Variants in AMOTL1 observed in about 807,000 individuals in gnomAD.
AMOTL1 encodes the protein angiomotin-like protein 1.
In AMOTL1, 45 loss-of-function variants were observed where a neutral mutation model predicts 102.9. The observed-to-expected ratio is 0.44, with a 90% CI of 0.34 to 0.56. The LOEUF (loss-of-function observed/expected upper bound fraction) is 0.56. Ranked by LOEUF, AMOTL1 falls within the 20% of genes least tolerant of loss-of-function variation. The pLI is 0.01. For synonymous variants in AMOTL1, 481 were observed against 484.7 expected (o/e 0.99, Z 0.10); for missense variants, 1,114 against 1,225.6 (o/e 0.91, Z 1.36).
At position 94,712,539 on chromosome 11, in the gene AMOTL1, T is replaced by G. The variant is rs145183599; in HGVS notation, c.-51+5942T>G. On this transcript the variant is annotated intron_variant, in intron 1 of 4. Coordinates refer to the AMOTL1 transcript ENST00000299004. ...GCAACAAAAGAAACTAGCAACATAGTAGACAGACAACCTATAGAATGGGAG... is the reference window on the plus strand; with the variant it reads ...GCAACAAAAGAAACTAGCAACATAGGAGACAGACAACCTATAGAATGGGAG... Among the ~76,000 whole-genome samples, 1,111 of 152,146 alleles carry G rather than the reference T, an allele frequency of 7.3e-3. 13 individuals are homozygous for G. Among genetic ancestry groups the G allele is most frequent in the African/African-American group, 0.025 (1,057 of 41,548 alleles).
chr11:94,864,881 A>G, intron 10 of AMOTL1, 21 bp downstream of exon 10: 1 of 1,608,650 alleles, frequency 6.2e-7, no homozygotes, highest in Non-Finnish European at 8.5e-7. Context: ...ACTATGTGTG[A>G]CGTGTGGGGC....
chr11:94,706,555 A>G (rs1201046928), exon 1 of AMOTL1: 1 of 152,184 alleles, frequency 6.6e-6, no homozygotes, highest in East Asian at 1.9e-4. Flanking sequence ...TTCTGTTAGA[A>G]CTTAGTATTT....
At chr11:94,742,076 G>A (rs1306019331) in intron 3 of AMOTL1, among the ~76,000 whole-genome samples, 1 of 152,204 alleles carries the variant, frequency 6.6e-6, no homozygotes, top group Non-Finnish European at 1.5e-5. Flanking sequence ...TCTGGATCAA[G>A]GTTGGCATTC....
At chr11:94,794,009 ATAAT>A (rs972997219) in intron 1 of AMOTL1, among the ~76,000 whole-genome samples, 55 of 152,358 alleles carry the variant, frequency 3.6e-4, no homozygotes, top group African/African-American at 1.3e-3. Flanking sequence ...TTTGGTATCA[ATAAT>A]TAGTCACTTA....
intron 11 of AMOTL1, among the ~76,000 whole-genome samples, chr11:94,867,847 A>T (rs887865399): frequency 2.6e-5 from 4 of 152,172 alleles, no homozygotes; most frequent in African/African-American, 7.2e-5. Context: ...TGGAAAGAAC[A>T]TAGGTTGGAC....
At position 94,830,271 on chromosome 11, in the gene AMOTL1, G is replaced by C. The variant is rs79491184; in HGVS notation, c.1558+77G>C. 1,016 of 1,400,660 alleles carry C rather than the reference G, an allele frequency of 7.3e-4. 7 individuals are homozygous for C. In the African/African-American group the frequency reaches 0.013, roughly 18 times the overall value. 86.8% of individuals were successfully genotyped at this position (1,400,660 alleles called of 1,614,324 possible). A position where few individuals can be genotyped will look rare whatever the true frequency, so the allele number is the denominator to read the frequency against. On this transcript the variant is annotated intron_variant, in intron 5 of 12. Coordinates refer to ENST00000433060, the MANE Select transcript of AMOTL1 (RefSeq NM_130847.3). ...AGCTAAAAGCACGACTTCAAGGCCA[G>C]AGTGCTTTGCCACAGGTACTGGTCT...
At chr11:94,789,197 C>A (rs1159973978) in intron 1 of AMOTL1, among the ~76,000 whole-genome samples, 1 of 152,184 alleles carries the variant, frequency 6.6e-6, no homozygotes, top group Non-Finnish European at 1.5e-5. Context: ...CTAGCTCTGT[C>A]ACCCAGGCTG....
intron 2 of AMOTL1, among the ~76,000 whole-genome samples, chr11:94,736,854 C>T (rs1950445552): frequency 6.6e-6 from 1 of 152,162 alleles, no homozygotes; most frequent in African/African-American, 2.4e-5. Flanking sequence ...CATGGAATCC[C>T]TTATTAGAAG....
intron 3 of AMOTL1, among the ~76,000 whole-genome samples, chr11:94,751,754 T>C (rs1378352114): frequency 2.0e-5 from 3 of 147,406 alleles, no homozygotes; most frequent in Non-Finnish European, 3.0e-5. Flanking sequence ...ATAAAACATA[T>C]ATATGCTCAC....
chr11:94,729,346 T>C (rs1285410487), intron 2 of AMOTL1, among the ~76,000 whole-genome samples: 5 of 152,184 alleles, frequency 3.3e-5, no homozygotes, highest in Admixed American at 1.3e-4. Flanking sequence ...TGTCATGTAA[T>C]GAGCTCTTGC....
intron 6 of AMOTL1, among the ~76,000 whole-genome samples, chr11:94,842,262 G>A (rs1446169478): frequency 6.6e-6 from 1 of 152,172 alleles, no homozygotes; most frequent in Non-Finnish European, 1.5e-5. Context: ...GAAGATAGAA[G>A]GGTTTCGACG....
chr11:94,721,008 C>T (rs1217224698), intron 1 of AMOTL1, among the ~76,000 whole-genome samples: 1 of 152,094 alleles, frequency 6.6e-6, no homozygotes, highest in Non-Finnish European at 1.5e-5. Context: ...TTAAAGTAAA[C>T]ATGCTAAGGG....
intron 1 of AMOTL1, among the ~76,000 whole-genome samples, chr11:94,777,208 G>A (rs951331822): frequency 4.6e-5 from 7 of 152,136 alleles, no homozygotes; most frequent in African/African-American, 7.2e-5. Flanking sequence ...AGATAATGGC[G>A]GTGTCAGGTT....
In AMOTL1 at chr11:94,864,839, G is replaced by T; in HGVS notation, c.2240G>T (p.Arg747Met). Residue 747 changes from arginine to methionine, a missense_variant, in exon 10 of 13, where the codon AGG (arginine) becomes ATG (methionine). By Grantham distance (91) the Arg-to-Met change is moderately conservative (BLOSUM62 -1). Coordinates refer to ENST00000433060, the MANE Select transcript of AMOTL1 (RefSeq NM_130847.3). ...EEEEVVQANRRCQDMEYTIKN... is the reference protein window; with the variant it reads ...EEEEVVQANRMCQDMEYTIKN... ...GAGGAGGTGGTGCAGGCCAACAGAA[G>T]GTGTCAGGACATGGAATACACGTAA... is the stretch of plus-strand genomic sequence containing the variant. 1 of 1,613,692 alleles carries T rather than the reference G, an allele frequency of 6.2e-7. No homozygotes were observed. The highest frequency in any genetic ancestry group is 8.5e-7 in the Non-Finnish European group (1 of 1,179,710).
At chr11:94,840,681 T>TATATATATACAC (rs1166713705) in intron 6 of AMOTL1, among the ~76,000 whole-genome samples, 23 of 104,782 alleles carry the variant, frequency 2.2e-4, no homozygotes, top group African/African-American at 8.5e-4. Flanking sequence ...TATATATATA[T>TATATATATACAC]ACACACACAC....
At chr11:94,762,286 T>G (rs184176313) in intron 3 of AMOTL1, among the ~76,000 whole-genome samples, 1 of 152,358 alleles carries the variant, frequency 6.6e-6, no homozygotes, top group African/African-American at 2.4e-5. Context: ...CTTGGGAGCT[T>G]CTTTTAAAGT....
At chr11:94,825,449 T>G (rs1246674129) in intron 4 of AMOTL1, among the ~76,000 whole-genome samples, 4 of 152,198 alleles carry the variant, frequency 2.6e-5, no homozygotes, top group Non-Finnish European at 5.9e-5. Flanking sequence ...TCCATTTGCT[T>G]ATTACAACAG....
rs147546447 is a variant in AMOTL1 at position 94,806,724 on chromosome 11, A to C, written c.1121+6413A>C. Among the ~76,000 whole-genome samples the C allele has an allele frequency of 4.2e-3, 635 of 152,280 alleles. 12 individuals are homozygous for C. Among genetic ancestry groups the C allele is most frequent in the South Asian group, 0.035 (168 of 4,828 alleles). On this transcript the variant is annotated intron_variant, in intron 3 of 12. Coordinates refer to ENST00000433060, the MANE Select transcript of AMOTL1 (RefSeq NM_130847.3). ...CAAGTTCAGGTTACTTTCTCAGGAA[A>C]CCTAACAATTCCAGCTGTAATGTAT...
intron 3 of AMOTL1, among the ~76,000 whole-genome samples, chr11:94,757,132 A>C (rs995051940): frequency 5.9e-5 from 9 of 152,184 alleles, no homozygotes; most frequent in Admixed American, 5.2e-4. Context: ...AAATATAAAC[A>C]AAAAGAAACT....
Sources: gnomAD v4.1 joint callset for allele counts (sites outside exome capture counted in the v4.1 genomes callset) on GRCh38, gnomAD v4.1.1 for gene constraint, MANE v1.5 for transcripts, NCBI Gene and HGNC (gene_info 2026-07-23, HGNC 2026-07-21) for gene names.